SLC4A1: variants seen among roughly 807,000 people sequenced by gnomAD.
SLC4A1 encodes solute carrier family 4 member 1 (Diego blood group).
Under a neutral mutation model 93.1 loss-of-function variants are expected in SLC4A1, and 29 were observed. The ratio of observed to expected loss-of-function variants is 0.31; its 90% CI spans 0.23 to 0.42. The LOEUF is 0.42. Ranked by LOEUF, SLC4A1 falls within the 20% of genes least tolerant of loss-of-function variation. The pLI, the probability that SLC4A1 is intolerant of heterozygous loss-of-function variation, is 1.00. For missense variants in SLC4A1, 965 were observed against 1,190.1 expected (o/e 0.81, Z 2.78); for synonymous variants, 469 against 497.2 (o/e 0.94, Z 0.76).
chr17:44,254,373 G>A (rs371712542), intron 16 of SLC4A1, 123 bp downstream of exon 16: 4 of 862,038 alleles, frequency 4.6e-6, no homozygotes, highest in Non-Finnish European at 5.7e-6. Context: ...CCTGCTAGTC[G>A]GGAGGGCCAC....
In SLC4A1 at chr17:44,249,212, C is replaced by T. The variant is rs1330568307; in HGVS notation, c.*1246G>A. 1 of 452,746 alleles carries T rather than the reference C, an allele frequency of 2.2e-6. No individual in the cohort carries two copies. Among genetic ancestry groups the T allele is most frequent in the Non-Finnish European group, 4.4e-6 (1 of 225,970 alleles). 28.0% of individuals were successfully genotyped at this position (452,746 alleles called of 1,614,324 possible). ...TGATTCTGTTTCCTCCATCTCTCAC[C>T]ACTTTCACGTCTTTCAACTCTTTTT... On this transcript the variant is annotated 3_prime_UTR_variant, in exon 20 of 20. Transcript: ENST00000262418.
intron 3 of SLC4A1, 61 bp downstream of exon 3, chr17:44,262,575 C>T: frequency 1.6e-6 from 2 of 1,256,630 alleles, no homozygotes; most frequent in African/African-American, 1.5e-5. Context: ...GACAAGTGCC[C>T]CTCCTGTCCC....
In SLC4A1 at chr17:44,254,487, G is replaced by T; in HGVS notation, c.2057+9C>A. The T allele has an allele frequency of 6.5e-7, 1 of 1,534,738 alleles. No homozygotes were observed. Among genetic ancestry groups the T allele is most frequent in the Non-Finnish European group, 8.9e-7 (1 of 1,118,606 alleles). Reference sequence around the variant, plus strand: ...CCCTCCCAGGCCCAGCCCCCACCCTGTCTCTCACGTGGTGATCTGAGACTC... The same window carrying T: ...CCCTCCCAGGCCCAGCCCCCACCCTTTCTCTCACGTGGTGATCTGAGACTC... On this transcript the variant is annotated intron_variant, in intron 16 of 19. Transcript: ENST00000262418.
Position 44,250,409 on chromosome 17 carries a change from G to T in SLC4A1, c.*49C>A. ...CATGAACTTCTGCTTTTCCTTGGAA[G>T]GTGGGGATGTGGAATGGTGGGGGAG... is the stretch of plus-strand genomic sequence containing the variant. On this transcript the variant is annotated 3_prime_UTR_variant, in exon 20 of 20. Coordinates refer to ENST00000262418, the MANE Select transcript of SLC4A1 (RefSeq NM_000342.4). The T allele has an allele frequency of 6.9e-7, 1 of 1,448,248 alleles. No individual in the cohort carries two copies. The highest frequency in any genetic ancestry group is 9.7e-7 in the Non-Finnish European group (1 of 1,029,836). The allele number at this position is 1,448,248 out of a possible 1,614,324, so 89.7% of individuals were successfully genotyped here. A position where few individuals can be genotyped will look rare whatever the true frequency, so the allele number is the denominator to read the frequency against.
intron 1 of SLC4A1, among the ~76,000 whole-genome samples, chr17:44,264,334 T>C (rs1205139125): frequency 6.6e-6 from 1 of 152,200 alleles, no homozygotes; most frequent in African/African-American, 2.4e-5. Flanking sequence ...GACGTATACC[T>C]GTAGTCCCAG....
chr17:44,255,515 G>A (rs2047381102), intron 14 of SLC4A1, among the ~76,000 whole-genome samples, 158 bp downstream of exon 14: 1 of 152,200 alleles, frequency 6.6e-6, no homozygotes, highest in Non-Finnish European at 1.5e-5. Context: ...TGCCCATAGA[G>A]TGAAACCCTA....
At position 44,252,047 on chromosome 17, in the gene SLC4A1, C is replaced by CTTT. The variant is rs966641655; in HGVS notation, c.2312-462_2312-460dup. ...CTGGCCTGGAGCTATTCCTATGGGT[C>CTTT]TTTTTTTTTTTTTTTTTTTTTTTTT... On this transcript the variant is annotated intron_variant, in intron 17 of 19. Transcript: ENST00000262418. 2.2e-3 allele frequency among the ~76,000 whole-genome samples: 150 copies of CTTT among 69,132 alleles called. 22 individuals carry two copies. Among genetic ancestry groups the CTTT allele is most frequent in the African/African-American group, 9.0e-3 (129 of 14,282 alleles). The allele number at this position is 69,132 out of a possible 152,430, so 45.4% of individuals were successfully genotyped here. A position where few individuals can be genotyped will look rare whatever the true frequency, so the allele number is the denominator to read the frequency against.
At position 44,249,302 on chromosome 17, in the gene SLC4A1, CA is replaced by C; in HGVS notation, c.*1155del. On this transcript the variant is annotated 3_prime_UTR_variant, in exon 20 of 20. Transcript: ENST00000262418. ...TTGGAGAGCCTGCTGTCTCCTACCC[CA>C]ATTGGTCAGATCTGGGTTCTCCCCA... 1 of 406,638 alleles carries C rather than the reference CA, an allele frequency of 2.5e-6. No homozygotes were observed. The highest frequency in any genetic ancestry group is 4.9e-6 in the Non-Finnish European group (1 of 205,362). 25.2% of individuals were successfully genotyped at this position (406,638 alleles called of 1,614,324 possible).
At chr17:44,257,865 G>C (rs2047404127) in intron 11 of SLC4A1, 58 bp from the exon 12 acceptor site, 1 of 1,610,740 alleles carries the variant, frequency 6.2e-7, no homozygotes, top group East Asian at 2.2e-5. Context: ...GGAGCCCATA[G>C]AGCAAGTCAT....
intron 1 of SLC4A1, among the ~76,000 whole-genome samples, chr17:44,263,675 G>A (rs1359505550): frequency 6.9e-6 from 1 of 143,908 alleles, no homozygotes; most frequent in Admixed American, 6.7e-5. Flanking sequence ...TCATGTTCTG[G>A]TTTCTTTTCC....
intron 17 of SLC4A1, 141 bp from the exon 18 acceptor site, chr17:44,251,729 T>G (rs1567828483): frequency 1.4e-5 from 9 of 659,542 alleles, no homozygotes; most frequent in African/African-American, 9.6e-5. Flanking sequence ...TCTTTTTTTT[T>G]TTTTTTTTTT....
At position 44,251,190 on chromosome 17, in the gene SLC4A1, G is replaced by A. The variant is rs754644528; in HGVS notation, c.2624C>T (p.Pro875Leu). ...LTVPLRRVLL[P>L]LIFRNVELQC... Reference sequence around the variant, plus strand: ...AAGCTCCACGTTCCTGAAGATGAGCGGCAGCAGGACGCGCCGCAGCGGCAC... The same window carrying A: ...AAGCTCCACGTTCCTGAAGATGAGCAGCAGCAGGACGCGCCGCAGCGGCAC... Residue 875 changes from proline (P) to leucine (L), a missense_variant, in exon 19 of 20, where the codon CCG (proline) becomes CTG (leucine). Physicochemically the swap from Pro to Leu is moderately conservative, Grantham distance 98. Transcript: ENST00000262418. 3 of 1,611,490 alleles carry A rather than the reference G, an allele frequency of 1.9e-6. No homozygotes were observed. The highest frequency in any genetic ancestry group is 1.1e-5 in the South Asian group (1 of 90,604).
chr17:44,259,812 C>T lies in SLC4A1; in HGVS notation c.606G>A (p.Glu202=), dbSNP rs758987419. The T allele has an allele frequency of 6.2e-7, 1 of 1,614,062 alleles. No individual in the cohort carries two copies. Among genetic ancestry groups the T allele is most frequent in the Non-Finnish European group, 8.5e-7 (1 of 1,180,020 alleles). The change falls in exon 7 of 20, where the codon GAG becomes GAA. Residue 202 remains glutamate (E), a synonymous_variant. Transcript: ENST00000262418. ...HSSLETQLFC[E]QGDGGTEGHS... ...CCTGACCCTGTAACTGACTCACCTG[C>T]TCACAGAAGAGCTGTGTCTCCAGTG...
At chr17:44,266,631 T>C (rs1009820379) in intron 1 of SLC4A1, among the ~76,000 whole-genome samples, 4 of 152,096 alleles carry the variant, frequency 2.6e-5, no homozygotes, top group African/African-American at 9.7e-5. Flanking sequence ...TTGAGCTCAG[T>C]TGGAGACTTA....
rs11870606 is a variant in SLC4A1, at chr17:44,255,435, C to T, written c.1801-139G>A. The stretch of plus-strand genomic sequence containing the variant: ...TCTAATGCCCTGTCCTGCACCTCAG[C>T]TATGTCTGCCTCCTTTCTTCTTCCC... On this transcript the variant is annotated intron_variant, in intron 14 of 19. Transcript: ENST00000262418. 0.13 allele frequency: 99,174 copies of T among 757,356 alleles called. 7,682 individuals carry two copies. The highest frequency in any genetic ancestry group is 0.17 in the Middle Eastern group (488 of 2,844). 46.9% of individuals were successfully genotyped at this position (757,356 alleles called of 1,614,324 possible).
intron 1 of SLC4A1, among the ~76,000 whole-genome samples, chr17:44,266,715 G>T: frequency 6.6e-6 from 1 of 152,222 alleles, no homozygotes; most frequent in East Asian, 1.9e-4. Flanking sequence ...GTGCTGCCTA[G>T]CACTGATAAG....
rs45457792 is a variant in SLC4A1 at position 44,267,802 on chromosome 17, CG to C, written c.-69+251del. Among the ~76,000 whole-genome samples, 1,241 of 152,218 alleles carry C rather than the reference CG, an allele frequency of 8.2e-3. 19 individuals are homozygous for C. Among genetic ancestry groups the C allele is most frequent in the African/African-American group, 0.029 (1,198 of 41,518 alleles). On this transcript the variant is annotated intron_variant, in intron 1 of 19. Coordinates refer to ENST00000262418, the MANE Select transcript of SLC4A1 (RefSeq NM_000342.4). ...TACCTGGAGGGGATCAGATACCCCC[CG>C]CAACACACGCACCGGAGCCACACAT...
intron 14 of SLC4A1, 53 bp downstream of exon 14, chr17:44,255,620 T>C: frequency 1.3e-6 from 2 of 1,576,056 alleles, no homozygotes; most frequent in Non-Finnish European, 1.7e-6. Flanking sequence ...CGGGGGGGCT[T>C]TGGGCTGGGA....
intron 3 of SLC4A1, 90 bp downstream of exon 3, chr17:44,262,546 A>G (rs995510788): frequency 2.2e-6 from 2 of 915,492 alleles, no homozygotes; most frequent in Non-Finnish European, 3.5e-6. Context: ...TGGGAGGAGG[A>G]CTGTGGAGAA....
Sources: gnomAD v4.1 joint callset for allele counts (sites outside exome capture counted in the v4.1 genomes callset) on GRCh38, gnomAD v4.1.1 for gene constraint, MANE v1.5 for transcripts, NCBI Gene and HGNC (gene_info 2026-07-23, HGNC 2026-07-21) for gene names.